Variants in LRFN2 observed in about 807,000 individuals in gnomAD.
The protein encoded by LRFN2 is leucine rich repeat and fibronectin type III domain containing 2.
Under a neutral mutation model 37.3 loss-of-function variants are expected in LRFN2, and 18 were observed. The observed-to-expected ratio is 0.48, with a 90% CI of 0.33 to 0.72. The LOEUF is 0.72. Ranked by LOEUF, LRFN2 falls within the 30% of genes least tolerant of loss-of-function variation. LRFN2 has a pLI of 0.02. For synonymous variants in LRFN2, 556 were observed against 466.6 expected, an observed-to-expected ratio of 1.19 and a Z score of -2.47; for missense variants, 1,006 against 1,060.7, an observed-to-expected ratio of 0.95 and a Z score of 0.72.
intron 1 of LRFN2, among the ~76,000 whole-genome samples, chr6:40,436,654 C>T (rs1414164260): frequency 6.6e-6 from 1 of 152,204 alleles, no homozygotes; most frequent in East Asian, 1.9e-4. Flanking sequence ...CTTCACCTTA[C>T]CCAGGCCCCA....
At chr6:40,490,326 C>A (rs1441811055) in intron 1 of LRFN2, among the ~76,000 whole-genome samples, 1 of 152,188 alleles carries the variant, frequency 6.6e-6, no homozygotes. Flanking sequence ...CGTGTCCATG[C>A]CTCAGGCCAC....
intron 1 of LRFN2, among the ~76,000 whole-genome samples, chr6:40,511,355 T>G (rs576090830): frequency 6.6e-6 from 1 of 152,198 alleles, no homozygotes; most frequent in Non-Finnish European, 1.5e-5. Flanking sequence ...GAAAGAAATG[T>G]CACTGTTAAA....
chr6:40,435,557 G>T (rs1220833677), intron 1 of LRFN2, among the ~76,000 whole-genome samples: 2 of 149,404 alleles, frequency 1.3e-5, no homozygotes, highest in Non-Finnish European at 3.0e-5. Flanking sequence ...ATTTTTTTTT[G>T]AGACGGAGTC....
intron 2 of LRFN2, among the ~76,000 whole-genome samples, chr6:40,422,110 G>A (rs1763241392): frequency 6.6e-6 from 1 of 152,144 alleles, no homozygotes; most frequent in South Asian, 2.1e-4. Flanking sequence ...AAATGCACAT[G>A]GTGTTTTGTT....
intron 1 of LRFN2, among the ~76,000 whole-genome samples, chr6:40,470,344 G>T (rs1764565145): frequency 6.6e-6 from 1 of 152,346 alleles, no homozygotes. Flanking sequence ...GGGCGCAGTG[G>T]CTCACGCCTG....
chr6:40,443,586 G>C (rs78154428), intron 1 of LRFN2, among the ~76,000 whole-genome samples: 3,683 of 152,240 alleles, frequency 0.024, 118 homozygotes, highest in East Asian at 0.11. Context: ...TTTGCAAAAG[G>C]CAAATGGAGC....
chr6:40,514,662 A>C (rs1434635102), intron 1 of LRFN2, among the ~76,000 whole-genome samples: 1 of 152,228 alleles, frequency 6.6e-6, no homozygotes, highest in Non-Finnish European at 1.5e-5. Flanking sequence ...GTGCCAAAGA[A>C]AGGTAAAGGA....
chr6:40,415,370 C>T (rs1431084434), intron 2 of LRFN2, among the ~76,000 whole-genome samples: 14 of 152,168 alleles, frequency 9.2e-5, no homozygotes, highest in Admixed American at 9.2e-4. Context: ...GAATTACAGG[C>T]ACGTGCCACC....
At chr6:40,561,288 C>A (rs1040096563) in intron 1 of LRFN2, among the ~76,000 whole-genome samples, 2 of 152,156 alleles carry the variant, frequency 1.3e-5, no homozygotes, top group Non-Finnish European at 2.9e-5. Context: ...GGCCTGGGCC[C>A]AGGCCCTCAC....
intron 1 of LRFN2, among the ~76,000 whole-genome samples, chr6:40,444,982 C>G (rs1763934421): frequency 6.6e-6 from 1 of 151,970 alleles, no homozygotes; most frequent in African/African-American, 2.4e-5. Context: ...GTCAAGCCCT[C>G]CCTCCTTCCT....
intron 1 of LRFN2, among the ~76,000 whole-genome samples, chr6:40,583,213 C>CA (rs56833551): frequency 0.52 from 74,897 of 143,314 alleles, 20,210 homozygotes; most frequent in African/African-American, 0.63. Flanking sequence ...TATATATACA[C>CA]TATATACATA....
chr6:40,429,427 A>G (rs747860519), intron 2 of LRFN2, among the ~76,000 whole-genome samples: 4 of 152,242 alleles, frequency 2.6e-5, no homozygotes, highest in Non-Finnish European at 5.9e-5. Flanking sequence ...TTTTTATCAA[A>G]ATCATGACCA....
Position 40,485,391 on chromosome 6 carries a change from G to C in LRFN2, c.-18-52260C>G, listed in dbSNP as rs750400659. ...CAGCCTGGAAGCCATAATCCCTTCA[G>C]TAGTTCAACATGTTTATGGGGGTGA... is the stretch of plus-strand genomic sequence containing the variant. On this transcript the variant is annotated intron_variant, in intron 1 of 2. Coordinates refer to ENST00000338305, the MANE Select transcript of LRFN2 (RefSeq NM_020737.3). Among the ~76,000 whole-genome samples the C allele has an allele frequency of 1.2e-3, 188 of 152,212 alleles. 1 individual carries two copies. Among genetic ancestry groups the C allele is most frequent in the Admixed American group, 1.8e-3 (28 of 15,290 alleles).
chr6:40,466,634 G>A lies in LRFN2; in HGVS notation c.-18-33503C>T, dbSNP rs1764474493. 2.0e-5 allele frequency among the ~76,000 whole-genome samples: 3 copies of A among 152,112 alleles called. No individual in the cohort carries two copies. The South Asian group carries it at 6.2e-4, about 31-fold the overall frequency. ...GGCTGGACCTAGCATGAGATTTAGA[G>A]GTAGATGGTGCTCCAATCCACTTCC... On this transcript the variant is annotated intron_variant, in intron 1 of 2. Transcript: ENST00000338305.
chr6:40,510,081 C>T (rs557711725), intron 1 of LRFN2, among the ~76,000 whole-genome samples: 1 of 149,014 alleles, frequency 6.7e-6, no homozygotes, highest in Non-Finnish European at 1.5e-5. Flanking sequence ...TGTGGGTATG[C>T]CACGGAACAC....
intron 1 of LRFN2, among the ~76,000 whole-genome samples, chr6:40,459,865 A>G (rs569307246): frequency 5.9e-5 from 9 of 152,060 alleles, no homozygotes; most frequent in Non-Finnish European, 1.0e-4. Context: ...TCTTATATCA[A>G]CTCTATGAGT....
intron 1 of LRFN2, among the ~76,000 whole-genome samples, chr6:40,435,052 T>G (rs57557907): frequency 0.25 from 9,107 of 37,058 alleles, 1,393 homozygotes; most frequent in East Asian, 0.36. Flanking sequence ...TATATATATA[T>G]AGAGAGAGAG....
chr6:40,551,558 A>G (rs1766778360), intron 1 of LRFN2, among the ~76,000 whole-genome samples: 1 of 152,232 alleles, frequency 6.6e-6, no homozygotes, highest in Non-Finnish European at 1.5e-5. Context: ...CTTGAGTTTA[A>G]TTAATTCATT....
chr6:40,447,137 G>A (rs187186136), intron 1 of LRFN2, among the ~76,000 whole-genome samples: 255 of 150,666 alleles, frequency 1.7e-3, no homozygotes, highest in Middle Eastern at 7.0e-3. Context: ...CTGTGTCTCC[G>A]CTCAGACTGG....
Sources: gnomAD v4.1 joint callset for allele counts (sites outside exome capture counted in the v4.1 genomes callset) on GRCh38, gnomAD v4.1.1 for gene constraint, MANE v1.5 for transcripts, NCBI Gene and HGNC (gene_info 2026-07-23, HGNC 2026-07-21) for gene names.